The following SGCZ variants were observed in gnomAD, a reference collection of about 807,000 sequenced individuals.
The protein encoded by SGCZ is sarcoglycan zeta.
In SGCZ, 40 loss-of-function variants were observed where a neutral mutation model predicts 41.3. The ratio of observed to expected loss-of-function variants is 0.97; its 90% CI spans 0.75 to 1.26. SGCZ has a LOEUF of 1.26. Ranked by LOEUF, SGCZ falls within the 50% of genes most tolerant of loss-of-function variation. The pLI is 0.00. For synonymous variants in SGCZ, 206 were observed against 137.5 expected (o/e 1.50, Z -3.49); for missense variants, 552 against 369.8 (o/e 1.49, Z -4.04).
intron 4 of SGCZ, among the ~76,000 whole-genome samples, chr8:14,178,502 T>C (rs772902818): frequency 3.9e-5 from 6 of 152,240 alleles, no homozygotes; most frequent in Non-Finnish European, 8.8e-5. Context: ...AATGAGTTTA[T>C]GATGCTTTCT....
chr8:14,253,415 G>A (rs1799354835), intron 3 of SGCZ, among the ~76,000 whole-genome samples: 1 of 152,012 alleles, frequency 6.6e-6, no homozygotes, highest in South Asian at 2.1e-4. Flanking sequence ...GTTTCATCCA[G>A]AAAAAGAGAT....
chr8:14,610,571 T>C (rs1265795388), intron 1 of SGCZ, among the ~76,000 whole-genome samples: 1 of 152,158 alleles, frequency 6.6e-6, no homozygotes, highest in Non-Finnish European at 1.5e-5. Flanking sequence ...TTTTCTCCTA[T>C]TAATCTATCT....
intron 1 of SGCZ, among the ~76,000 whole-genome samples, chr8:14,633,104 G>A (rs927345030): frequency 3.3e-5 from 5 of 152,008 alleles, no homozygotes; most frequent in South Asian, 2.1e-4. Context: ...TATTTGCAAA[G>A]TGTTTACAAC....
At chr8:14,556,664 C>G (rs1804044125) in intron 1 of SGCZ, among the ~76,000 whole-genome samples, 1 of 152,176 alleles carries the variant, frequency 6.6e-6, no homozygotes, top group African/African-American at 2.4e-5. Flanking sequence ...GCTTAGCTCC[C>G]ACTTATGAGT....
chr8:14,206,506 G>C lies in SGCZ; in HGVS notation c.424+31086C>G, dbSNP rs1805619858. Among the ~76,000 whole-genome samples, 2 of 152,090 alleles carry C rather than the reference G, an allele frequency of 1.3e-5. 1 individual carries two copies. The highest frequency in any genetic ancestry group is 2.9e-5 in the Non-Finnish European group (2 of 68,008). On this transcript the variant is annotated intron_variant, in intron 4 of 7. Coordinates refer to ENST00000382080, the MANE Select transcript of SGCZ (RefSeq NM_139167.4). ...AAGAAAAATCTAAGCTGCCAACAAG[G>C]AGAGTTATAAAACATTTGAAATCCT...
At chr8:14,847,523 T>C (rs889006645) in intron 1 of SGCZ, among the ~76,000 whole-genome samples, 1 of 151,012 alleles carries the variant, frequency 6.6e-6, no homozygotes. Flanking sequence ...AAAAAGGAAA[T>C]ACATAAGATA....
At chr8:14,482,740 A>G (rs2117008441) in intron 2 of SGCZ, among the ~76,000 whole-genome samples, 1 of 152,102 alleles carries the variant, frequency 6.6e-6, no homozygotes, top group Middle Eastern at 3.4e-3. Flanking sequence ...CCCGAATAGA[A>G]CAAAAAGGCA....
intron 3 of SGCZ, among the ~76,000 whole-genome samples, chr8:14,280,173 A>G (rs912746402): frequency 3.3e-5 from 5 of 151,964 alleles, no homozygotes; most frequent in Admixed American, 2.6e-4. Flanking sequence ...GTCAATTATA[A>G]TGACATAATA....
intron 1 of SGCZ, among the ~76,000 whole-genome samples, chr8:14,876,579 T>C (rs534565522): frequency 6.6e-6 from 1 of 152,292 alleles, no homozygotes; most frequent in African/African-American, 2.4e-5. Flanking sequence ...GTAAATTTGA[T>C]GGTGTATGAA....
rs141312125 is a variant in SGCZ, at chr8:14,340,570, T to C, written c.235-16366A>G. On this transcript the variant is annotated intron_variant, in intron 2 of 7. Coordinates refer to ENST00000382080, the MANE Select transcript of SGCZ (RefSeq NM_139167.4). ...AGAATTTATCGAAATGACCTTTATG[T>C]ACAAGCACAAGTACTTGTAAGTACT... 1.4e-3 allele frequency among the ~76,000 whole-genome samples: 215 copies of C among 152,242 alleles called. 6 individuals carry two copies. The East Asian group carries it at 0.037, about 26-fold the overall frequency.
rs774758713 is a variant in SGCZ, at chr8:14,309,849, A to AT, written c.336+14253dup. Among the ~76,000 whole-genome samples the AT allele has an allele frequency of 2.8e-3, 417 of 149,426 alleles. 5 individuals carry two copies. In the East Asian group the frequency reaches 0.039, roughly 14 times the overall value. On this transcript the variant is annotated intron_variant, in intron 3 of 7. Coordinates refer to ENST00000382080, the MANE Select transcript of SGCZ (RefSeq NM_139167.4). ...GCCTTTGTCTTGTACTTCTGTGTTCATTTTTTTTTTCTTTTTTTGGCTAGA... is the reference window on the plus strand; with the variant it reads ...GCCTTTGTCTTGTACTTCTGTGTTCATTTTTTTTTTTCTTTTTTTGGCTAGA...
chr8:14,403,182 A>G (rs1799124473), intron 2 of SGCZ, among the ~76,000 whole-genome samples: 1 of 149,930 alleles, frequency 6.7e-6, no homozygotes, highest in East Asian at 1.9e-4. Flanking sequence ...GCTTAAGGAG[A>G]TTTTGGGCTG....
At chr8:14,261,944 G>C (rs1799682577) in intron 3 of SGCZ, among the ~76,000 whole-genome samples, 1 of 152,056 alleles carries the variant, frequency 6.6e-6, no homozygotes, top group African/African-American at 2.4e-5. Flanking sequence ...TTAAAGATCT[G>C]GTTTTACTCA....
chr8:14,946,182 G>T (rs2130827976), intron 1 of SGCZ, among the ~76,000 whole-genome samples: 1 of 150,340 alleles, frequency 6.7e-6, no homozygotes, highest in South Asian at 2.1e-4. Flanking sequence ...GGATATTGAT[G>T]TCACTCTCAT....
intron 5 of SGCZ, among the ~76,000 whole-genome samples, chr8:14,150,181 A>C (rs1182240040): frequency 6.6e-6 from 1 of 152,158 alleles, no homozygotes; most frequent in Non-Finnish European, 1.5e-5. Context: ...AAATAGGATC[A>C]AATCAAGTTA....
intron 1 of SGCZ, among the ~76,000 whole-genome samples, chr8:15,142,753 A>C (rs1305658154): frequency 1.3e-5 from 2 of 149,048 alleles, no homozygotes; most frequent in Non-Finnish European, 3.0e-5. Context: ...CTGGGCCTAC[A>C]GGCACACATC....
chr8:14,257,189 T>A (rs1237518787), intron 3 of SGCZ, among the ~76,000 whole-genome samples: 1 of 151,878 alleles, frequency 6.6e-6, no homozygotes, highest in Non-Finnish European at 1.5e-5. Flanking sequence ...TAGCTAGGTG[T>A]GCTGGTACAC....
intron 1 of SGCZ, among the ~76,000 whole-genome samples, chr8:14,712,571 G>GT (rs1482657460): frequency 6.6e-6 from 1 of 152,118 alleles, no homozygotes; most frequent in Non-Finnish European, 1.5e-5. Flanking sequence ...GAGACAAATG[G>GT]TATCTCTGAG....
intron 1 of SGCZ, among the ~76,000 whole-genome samples, chr8:15,109,887 T>C (rs1488026260): frequency 6.6e-6 from 1 of 152,192 alleles, no homozygotes; most frequent in Non-Finnish European, 1.5e-5. Flanking sequence ...AATCTCTTTA[T>C]GGGCAATTTT....
Sources: gnomAD v4.1 joint callset for allele counts (sites outside exome capture counted in the v4.1 genomes callset) on GRCh38, gnomAD v4.1.1 for gene constraint, MANE v1.5 for transcripts, NCBI Gene and HGNC (gene_info 2026-07-23, HGNC 2026-07-21) for gene names.